LIFR: variants seen among roughly 807,000 people sequenced by gnomAD.
The protein encoded by LIFR is LIF receptor subunit alpha.
A neutral mutation model predicts 122.2 loss-of-function variants in LIFR; 84 were observed. The observed-to-expected ratio is 0.69, with a 90% CI of 0.58 to 0.82. LIFR has a LOEUF of 0.82. Among genes scored for constraint, LIFR ranks in the 40% least tolerant of loss-of-function variants. LIFR has a pLI of 0.00. For synonymous variants in LIFR, 422 were observed against 434.7 expected (o/e 0.97, Z 0.36); for missense variants, 1,294 against 1,311.6 (o/e 0.99, Z 0.21).
chr5:38,556,993 A>C (rs1460265700), upstream of LIFR: 8 of 152,246 alleles, frequency 5.3e-5, no homozygotes, highest in East Asian at 1.4e-3. Context: ...CGCCTCCCCG[A>C]ATGCGGCCGC....
chr5:38,576,201 C>G (rs1312909368), intron 1 of LIFR, among the ~76,000 whole-genome samples: 1 of 152,176 alleles, frequency 6.6e-6, no homozygotes, highest in African/African-American at 2.4e-5. Flanking sequence ...CCTTGCTGGT[C>G]TAAGTCACTA....
In LIFR at chr5:38,527,202, T is replaced by G; in HGVS notation, c.350A>C (p.Asp117Ala). The change falls in exon 4 of 20, where the codon GAT becomes GCT. Residue 117 changes from aspartate to alanine, a missense_variant. Transcript: ENST00000453190. ...DYEITINSLH[D>A]FGSSTSKFTL... is the part of the protein sequence containing the mutation. ...GAATTTACTTGTAGAACTTCCAAAA[T>G]CATGTAGAGAATTTATTGTTATTTC... The G allele has an allele frequency of 6.3e-7, 1 of 1,590,418 alleles. No individual in the cohort carries two copies. The highest frequency in any genetic ancestry group is 8.6e-7 in the Non-Finnish European group (1 of 1,159,948).
In LIFR at chr5:38,485,895, G is replaced by A. The variant is rs1744260391; in HGVS notation, c.2421C>T (p.Tyr807=). Residue 807 remains tyrosine (Y), a synonymous_variant, in exon 17 of 20, where the codon TAC becomes TAT. Transcript: ENST00000453190. ...RIADLQGKTS[Y]HLVLRAYTDG... The stretch of plus-strand genomic sequence containing the variant: ...CTGTATAGGCTCGCAAGACCAGGTG[G>A]TAACTTGTTTTACCTTGAAGATCAG... The A allele has an allele frequency of 6.2e-7, 1 of 1,614,030 alleles. No individual in the cohort carries two copies. Among genetic ancestry groups the A allele is most frequent in the South Asian group, 1.1e-5 (1 of 91,084 alleles).
intron 5 of LIFR, among the ~76,000 whole-genome samples, chr5:38,515,147 T>C (rs991480562): frequency 2.0e-5 from 3 of 152,178 alleles, no homozygotes; most frequent in Admixed American, 6.5e-5. Flanking sequence ...GAGTGAGTTA[T>C]AAATATATCT....
At chr5:38,596,266 TG>T (rs1750096366), upstream of LIFR, among the ~76,000 whole-genome samples, 1 of 152,250 alleles carries the variant, frequency 6.6e-6, no homozygotes, top group East Asian at 1.9e-4. Flanking sequence ...CAAACTTTCC[TG>T]GGTCCACTCT....
chr5:38,530,773 T>C (rs1377957896), intron 1 of LIFR, 107 bp from the exon 2 acceptor site: 4 of 1,026,126 alleles, frequency 3.9e-6, no homozygotes, highest in Non-Finnish European at 4.6e-6. Context: ...TGAAACACTG[T>C]ACATTTAGAG....
rs146903486 is a variant in LIFR, at chr5:38,547,628, T to C, written c.-20+8706A>G. Among the ~76,000 whole-genome samples the C allele has an allele frequency of 7.1e-3, 1,087 of 152,300 alleles. 20 individuals carry two copies. Among genetic ancestry groups the C allele is most frequent in the Non-Finnish European group, 8.4e-3 (569 of 68,012 alleles). ...TTGCCAACTTTAAAAAAAAAGTCCC[T>C]ACATAAAACTAATTACAAAACTAAT... On this transcript the variant is annotated intron_variant, in intron 1 of 19. Transcript: ENST00000453190.
chr5:38,574,900 A>G (rs1749332171), intron 1 of LIFR, among the ~76,000 whole-genome samples: 1 of 152,134 alleles, frequency 6.6e-6, no homozygotes, highest in African/African-American at 2.4e-5. Context: ...ATTTCATCCT[A>G]TCAAGACATC....
intron 14 of LIFR, among the ~76,000 whole-genome samples, chr5:38,492,321 G>T (rs191259069): frequency 6.6e-6 from 1 of 152,246 alleles, no homozygotes; most frequent in Admixed American, 6.5e-5. Flanking sequence ...ATATCCTGCA[G>T]GTCTCAGCTA....
intron 1 of LIFR, among the ~76,000 whole-genome samples, chr5:38,555,712 T>G (rs1210753806): frequency 1.5e-4 from 22 of 147,406 alleles, no homozygotes; most frequent in South Asian, 4.4e-4. Context: ...TAGCGGAATG[T>G]GGGGGGTGGG....
upstream of LIFR, among the ~76,000 whole-genome samples, chr5:38,597,160 T>C (rs1364416202): frequency 6.6e-6 from 1 of 152,204 alleles, no homozygotes; most frequent in Non-Finnish European, 1.5e-5. Context: ...CAATGAAAGC[T>C]TATACTCAGC....
At position 38,504,138 on chromosome 5, in the gene LIFR, T is replaced by C; in HGVS notation, c.1292-17A>G. 1 of 1,461,016 alleles carries C rather than the reference T, an allele frequency of 6.8e-7. No individual in the cohort carries two copies. The highest frequency in any genetic ancestry group is 9.6e-7 in the Non-Finnish European group (1 of 1,042,102). 90.5% of individuals were successfully genotyped at this position (1,461,016 alleles called of 1,614,324 possible). ...GGGGATAAACTGCAAATATAATTTTTAAAGATTAAACACTTATTTAAAGGG... is the reference window on the plus strand; with the variant it reads ...GGGGATAAACTGCAAATATAATTTTCAAAGATTAAACACTTATTTAAAGGG... On this transcript the variant is annotated splice_polypyrimidine_tract_variant and intron_variant, in intron 9 of 19. Transcript: ENST00000453190.
Position 38,475,553 on chromosome 5 carries a change from T to TTAA in LIFR, c.*6041_*6042insTTA, listed in dbSNP as rs542021288. On this transcript the variant is annotated 3_prime_UTR_variant, in exon 20 of 20. Coordinates refer to ENST00000453190, the MANE Select transcript of LIFR (RefSeq NM_001127671.2). ...TACAAGCATTTGACCAAACAAAAAT[T>TTAA]AGTAAACAGTTACTAGTATTTATAA... The TTAA allele has an allele frequency of 1.1e-4, 21 of 189,952 alleles. No homozygotes were observed. The South Asian group carries it at 2.9e-3, about 26-fold the overall frequency. The allele number at this position is 189,952 out of a possible 1,614,324, so 11.8% of individuals were successfully genotyped here.
chr5:38,482,136 G>A lies in LIFR; in HGVS notation c.2753C>T (p.Pro918Leu). Residue 918 changes from proline (P) to leucine (L), a missense_variant, in exon 20 of 20, where the codon CCT becomes CTT. Transcript: ENST00000453190. ...VEVLETRSAF[P>L]KIEDTEIISP... ...AATTATTTCTGTATCTTCTATTTTA[G>A]GAAATGCTGATCGAGTTTCCAGAAC... 1 of 1,585,664 alleles carries A rather than the reference G, an allele frequency of 6.3e-7. No individual in the cohort carries two copies. The highest frequency in any genetic ancestry group is 8.5e-7 in the Non-Finnish European group (1 of 1,170,744).
chr5:38,485,162 T>A (rs1445434604), intron 17 of LIFR, among the ~76,000 whole-genome samples: 1 of 152,186 alleles, frequency 6.6e-6, no homozygotes, highest in African/African-American at 2.4e-5. Context: ...ACTGGAAGTT[T>A]AACAGCATCC....
chr5:38,488,120 T>C (rs561202202), intron 16 of LIFR, among the ~76,000 whole-genome samples: 26 of 152,174 alleles, frequency 1.7e-4, no homozygotes, highest in Non-Finnish European at 3.2e-4. Flanking sequence ...TTTAACTGGT[T>C]CAAGTGTAAA....
Position 38,492,299 on chromosome 5 carries a change from G to C in LIFR, c.2065+1307C>G, listed in dbSNP as rs1744636925. Among the ~76,000 whole-genome samples the C allele has an allele frequency of 2.0e-5, 3 of 152,200 alleles. 1 individual carries two copies. Among genetic ancestry groups the C allele is most frequent in the Admixed American group, 2.0e-4 (3 of 15,288 alleles). ...AGTTCTCTTCCCACAATCATCGCGG[G>C]GCAGCTTCCCCATATCCTGCAGGTC... On this transcript the variant is annotated intron_variant, in intron 14 of 19. Coordinates refer to ENST00000453190, the MANE Select transcript of LIFR (RefSeq NM_001127671.2).
At position 38,527,185 on chromosome 5, in the gene LIFR, T is replaced by C; in HGVS notation, c.367A>G (p.Ser123Gly). 6.3e-7 allele frequency: 1 copy of C among 1,593,702 alleles called. No homozygotes were observed. Among genetic ancestry groups the C allele is most frequent in the Non-Finnish European group, 8.6e-7 (1 of 1,163,458 alleles). ...TTTTGTTCATTTAGTGTGAATTTAC[T>C]TGTAGAACTTCCAAAATCATGTAGA... The part of the protein sequence containing the change: ...NSLHDFGSST[S>G]KFTLNEQNVS... Residue 123 changes from serine to glycine, a missense_variant, in exon 4 of 20, where the codon AGT becomes GGT. Transcript: ENST00000453190.
At position 38,554,386 on chromosome 5, in the gene LIFR, T is replaced by C. The variant is rs1354240052; in HGVS notation, c.-20+1948A>G. Among the ~76,000 whole-genome samples the C allele has an allele frequency of 2.6e-5, 4 of 152,256 alleles. No homozygotes were observed. In the East Asian group the frequency reaches 5.8e-4, roughly 22 times the overall value. On this transcript the variant is annotated intron_variant, in intron 1 of 19. Transcript: ENST00000453190. ...ATAAAGAAACAAATGACTACTGCCTTTAGGCCTTTGGGAATAACCAAATCC... is the reference window on the plus strand; with the variant it reads ...ATAAAGAAACAAATGACTACTGCCTCTAGGCCTTTGGGAATAACCAAATCC...
Sources: allele counts gnomAD v4.1 joint callset (sites outside exome capture counted in the v4.1 genomes callset), GRCh38; gene constraint gnomAD v4.1.1; transcripts MANE v1.5; gene names NCBI Gene and HGNC (gene_info 2026-07-23, HGNC 2026-07-21).